Variants in CSMD1 observed in about 807,000 individuals in gnomAD.
CSMD1 encodes the protein CUB and Sushi multiple domains 1, also known as CUB and sushi domain-containing protein 1.
Under a neutral mutation model 417.5 loss-of-function variants are expected in CSMD1, and 213 were observed. The observed-to-expected ratio is 0.51, with a 90% CI of 0.46 to 0.57. The LOEUF (loss-of-function observed/expected upper bound fraction) is 0.57. CSMD1 is among the 20% of genes least tolerant of loss of function. CSMD1 has a pLI of 0.00. For synonymous variants in CSMD1, 2,862 were observed against 1,736.8 expected (o/e 1.65, Z -16.11); for missense variants, 6,923 against 4,529.7 (o/e 1.53, Z -15.17).
intron 5 of CSMD1, among the ~76,000 whole-genome samples, chr8:3,913,251 C>A (rs1050329533): frequency 1.3e-5 from 2 of 152,002 alleles, no homozygotes; most frequent in Non-Finnish European, 2.9e-5. Flanking sequence ...ATCCTTGGCA[C>A]GAGAATGACA....
intron 5 of CSMD1, among the ~76,000 whole-genome samples, chr8:3,936,435 T>C (rs1391331073): frequency 6.6e-6 from 1 of 152,162 alleles, no homozygotes; most frequent in African/African-American, 2.4e-5. Flanking sequence ...CTGACTCTCT[T>C]CTTAGGGGCT....
At chr8:4,926,376 C>T (rs561928511) in intron 1 of CSMD1, among the ~76,000 whole-genome samples, 16 of 151,974 alleles carry the variant, frequency 1.1e-4, no homozygotes, top group African/African-American at 2.2e-4. Flanking sequence ...TTTATCTTTA[C>T]GATATTTTCT....
At chr8:3,755,835 A>G (rs2129054438) in intron 5 of CSMD1, among the ~76,000 whole-genome samples, 1 of 152,240 alleles carries the variant, frequency 6.6e-6, no homozygotes, top group Admixed American at 6.5e-5. Context: ...TACACTGCTC[A>G]GATTTGCCTC....
chr8:3,925,828 A>C (rs1809620660), intron 5 of CSMD1, among the ~76,000 whole-genome samples: 1 of 151,978 alleles, frequency 6.6e-6, no homozygotes, highest in Non-Finnish European at 1.5e-5. Context: ...AAACCAACTA[A>C]TACGGGCAGT....
intron 7 of CSMD1, among the ~76,000 whole-genome samples, chr8:3,696,850 C>G (rs535270595): frequency 4.6e-5 from 7 of 152,074 alleles, no homozygotes; most frequent in Non-Finnish European, 8.8e-5. Flanking sequence ...TTTAAATTCC[C>G]TTATTTCTAT....
At chr8:3,262,385 G>T (rs1042878102) in intron 26 of CSMD1, among the ~76,000 whole-genome samples, 4 of 151,202 alleles carry the variant, frequency 2.6e-5, no homozygotes, top group African/African-American at 9.7e-5. Context: ...ATCTGAAGAT[G>T]ACAGTATCCA....
chr8:4,954,910 T>C (rs1417187806), intron 1 of CSMD1, among the ~76,000 whole-genome samples: 2 of 152,222 alleles, frequency 1.3e-5, no homozygotes, highest in Admixed American at 6.5e-5. Context: ...AAATACCTGA[T>C]TGAAATGATC....
At chr8:3,319,417 G>C (rs762293513) in intron 23 of CSMD1, among the ~76,000 whole-genome samples, 2 of 152,094 alleles carry the variant, frequency 1.3e-5, no homozygotes, top group East Asian at 1.9e-4. Flanking sequence ...AAACATAATT[G>C]AAAACAGAGT....
At chr8:3,323,437 C>T (rs1258143887) in intron 23 of CSMD1, among the ~76,000 whole-genome samples, 1 of 151,412 alleles carries the variant, frequency 6.6e-6, no homozygotes, top group Non-Finnish European at 1.5e-5. Context: ...AAACGCTGGT[C>T]CATTCTGAAC....
intron 4 of CSMD1, among the ~76,000 whole-genome samples, chr8:4,015,540 T>C (rs535410077): frequency 6.6e-6 from 1 of 152,080 alleles, no homozygotes; most frequent in African/African-American, 2.4e-5. Flanking sequence ...CTATTTAGCA[T>C]GTTTTATTAA....
intron 1 of CSMD1, among the ~76,000 whole-genome samples, chr8:4,668,761 A>G (rs531393682): frequency 1.3e-5 from 2 of 152,144 alleles, no homozygotes; most frequent in South Asian, 4.2e-4. Flanking sequence ...ATAGTTTTCC[A>G]TTTCCAGTGT....
At chr8:4,932,033 T>C (rs1028461348) in intron 1 of CSMD1, among the ~76,000 whole-genome samples, 11 of 152,208 alleles carry the variant, frequency 7.2e-5, no homozygotes, top group African/African-American at 2.4e-4. Context: ...ATAAATAAAA[T>C]GCATATTGCT....
At chr8:3,258,496 A>C (rs1275691481) in intron 26 of CSMD1, among the ~76,000 whole-genome samples, 5 of 152,226 alleles carry the variant, frequency 3.3e-5, no homozygotes, top group Admixed American at 3.3e-4. Context: ...CTGTTTGTGC[A>C]AATGTAAATT....
chr8:3,775,369 A>C (rs1322780076), intron 5 of CSMD1, among the ~76,000 whole-genome samples: 5 of 152,210 alleles, frequency 3.3e-5, no homozygotes, highest in Admixed American at 6.5e-5. Context: ...TAGCAGACAC[A>C]GCATAGCAGG....
At chr8:3,600,790 A>C (rs1371779062) in intron 8 of CSMD1, among the ~76,000 whole-genome samples, 1 of 151,816 alleles carries the variant, frequency 6.6e-6, no homozygotes, top group Non-Finnish European at 1.5e-5. Context: ...TTCTTCCATG[A>C]ATGTTTTGTA....
intron 3 of CSMD1, among the ~76,000 whole-genome samples, chr8:4,378,831 G>C (rs1336364365): frequency 6.6e-6 from 1 of 152,124 alleles, no homozygotes; most frequent in Non-Finnish European, 1.5e-5. Context: ...TGCCATGTGA[G>C]GACACATAGA....
At chr8:4,570,436 C>T (rs1798829620) in intron 2 of CSMD1, among the ~76,000 whole-genome samples, 1 of 152,054 alleles carries the variant, frequency 6.6e-6, no homozygotes, top group Non-Finnish European at 1.5e-5. Context: ...ATGGATTACG[C>T]CTATTGATTT....
At chr8:3,226,835 G>A (rs1798533298) in intron 27 of CSMD1, among the ~76,000 whole-genome samples, 1 of 151,780 alleles carries the variant, frequency 6.6e-6, no homozygotes, top group African/African-American at 2.4e-5. Flanking sequence ...AAGAAAGAGA[G>A]AGAGCCAGTA....
intron 2 of CSMD1, among the ~76,000 whole-genome samples, chr8:4,433,619 G>A (rs751687634): frequency 1.1e-4 from 17 of 152,260 alleles, no homozygotes; most frequent in Non-Finnish European, 1.9e-4. Flanking sequence ...ATTTGATAAA[G>A]CCAGTTTTCT....
Sources: gnomAD v4.1 joint callset for allele counts (sites outside exome capture counted in the v4.1 genomes callset) on GRCh38, gnomAD v4.1.1 for gene constraint, MANE v1.5 for transcripts, NCBI Gene and HGNC (gene_info 2026-07-23, HGNC 2026-07-21) for gene names.